Variants in MYOM1 observed in about 807,000 individuals in gnomAD.
MYOM1 encodes myomesin-1.
MYOM1 carries 164 observed loss-of-function variants against 205.3 expected under a neutral mutation model. The ratio of observed to expected loss-of-function variants is 0.80; its 90% CI spans 0.70 to 0.91. MYOM1 has a LOEUF of 0.91. MYOM1 is among the 40% of genes least tolerant of loss of function. The pLI, the probability that MYOM1 is intolerant of heterozygous loss-of-function variation, is 0.00. For synonymous variants in MYOM1, 772 were observed against 789.4 expected (o/e 0.98, Z 0.37); for missense variants, 2,011 against 2,127.3 (o/e 0.95, Z 1.08).
At chr18:3,191,920 T>C (rs564643395) in intron 3 of MYOM1, among the ~76,000 whole-genome samples, 1 of 152,048 alleles carries the variant, frequency 6.6e-6, no homozygotes, top group Non-Finnish European at 1.5e-5. Context: ...ATGGTCTCAA[T>C]CTCCTGACAT....
intron 33 of MYOM1, among the ~76,000 whole-genome samples, chr18:3,081,342 G>T (rs1233955672): frequency 1.3e-5 from 2 of 152,120 alleles, no homozygotes; most frequent in Non-Finnish European, 2.9e-5. Flanking sequence ...AGATCATAAG[G>T]CAAGATAGGA....
Position 3,179,718 on chromosome 18 carries a change from C to T in MYOM1, c.930-3584G>A, listed in dbSNP as rs1243269191. Among the ~76,000 whole-genome samples the T allele has an allele frequency of 2.0e-5, 3 of 152,228 alleles. No individual in the cohort carries two copies. The highest frequency in any genetic ancestry group is 4.8e-5 in the African/African-American group (2 of 41,464). ...CCTGGAAAAAGAAATCCACTGGCCA[C>T]TTCTAATCTCCCGCATTCCCCGTTT... On this transcript the variant is annotated intron_variant, in intron 5 of 37. Transcript: ENST00000356443. This position sits in a 1 kb window ranked among gnomAD's most constrained non-coding sequence, Gnocchi z 4.4.
At chr18:3,111,703 T>C (rs1186259398) in intron 22 of MYOM1, among the ~76,000 whole-genome samples, 3 of 152,230 alleles carry the variant, frequency 2.0e-5, no homozygotes, top group Non-Finnish European at 4.4e-5. Flanking sequence ...ATGTGCATGA[T>C]AAAGTTTTAT....
chr18:3,075,088 C>G (rs1468067579), intron 36 of MYOM1, among the ~76,000 whole-genome samples: 1 of 152,216 alleles, frequency 6.6e-6, no homozygotes, highest in Non-Finnish European at 1.5e-5. Flanking sequence ...AGCCACCATG[C>G]CTGGCCCTTA....
chr18:3,245,061 T>C, the MYOM1 span, among the ~76,000 whole-genome samples: 2 of 152,082 alleles, frequency 1.3e-5, no homozygotes, highest in Non-Finnish European at 2.9e-5. Context: ...TCAATCGAAT[T>C]GGCCAGCACT....
At position 3,215,021 on chromosome 18, in the gene MYOM1, G is replaced by A. The variant is rs565442597; in HGVS notation, c.203C>T (p.Ser68Phe). The change falls in exon 2 of 38, where the codon TCC becomes TTC. Residue 68 changes from serine to phenylalanine, a missense_variant. Physicochemically the swap from Ser to Phe is radical, Grantham distance 155. Coordinates refer to ENST00000356443, the MANE Select transcript of MYOM1 (RefSeq NM_003803.4). ...SEAFRRASAS[S>F]SQQQASQHAL... ...GTGCTGCGAGGCCTGCTGCTGGGAG[G>A]AGGAGGCGGACGCCCGACGGAAGGC... The A allele has an allele frequency of 6.2e-7, 1 of 1,612,472 alleles. No homozygotes were observed. Among genetic ancestry groups the A allele is most frequent in the Non-Finnish European group, 8.5e-7 (1 of 1,179,258 alleles).
intron 1 of MYOM1, chr18:3,217,186 G>A (rs9947162): frequency 0.51 from 78,254 of 152,122 alleles, 22,136 homozygotes; most frequent in African/African-American, 0.76. Flanking sequence ...AGTCCATGGC[G>A]CTTAGCTATG....
the MYOM1 span, among the ~76,000 whole-genome samples, chr18:3,233,996 C>T: frequency 2.0e-5 from 3 of 152,296 alleles, no homozygotes; most frequent in Admixed American, 2.0e-4. Flanking sequence ...TACAGACATG[C>T]GTCACATTCC....
At chr18:3,132,648 G>A (rs2079895179) in intron 16 of MYOM1, among the ~76,000 whole-genome samples, 1 of 152,062 alleles carries the variant, frequency 6.6e-6, no homozygotes. Flanking sequence ...GTGGCTCCTT[G>A]TCATAGAGGC....
rs77250118 is a variant in MYOM1, at chr18:3,115,081, C to T, written c.3303+1250G>A. Among the ~76,000 whole-genome samples, 743 of 152,180 alleles carry T rather than the reference C, an allele frequency of 4.9e-3. 8 individuals are homozygous for T. Among genetic ancestry groups the T allele is most frequent in the African/African-American group, 0.017 (719 of 41,512 alleles). On this transcript the variant is annotated intron_variant, in intron 21 of 37. Transcript: ENST00000356443. ...TGGAAATCTTCATCCCAGCCATATACACCCACCACCATCATCTAGGATGTT... is the reference window on the plus strand; with the variant it reads ...TGGAAATCTTCATCCCAGCCATATATACCCACCACCATCATCTAGGATGTT...
intron 29 of MYOM1, 72 bp from the exon 30 acceptor site, chr18:3,086,223 T>G: frequency 1.2e-6 from 1 of 819,044 alleles, no homozygotes; most frequent in Non-Finnish European, 1.9e-6. Flanking sequence ...TAGTTCTTAA[T>G]GCAGCAAGAT....
At chr18:3,215,744 T>TA (rs1353667363) in intron 1 of MYOM1, among the ~76,000 whole-genome samples, 3 of 152,100 alleles carry the variant, frequency 2.0e-5, no homozygotes, top group South Asian at 4.2e-4. Flanking sequence ...TACCTTTTTT[T>TA]AAAAAAAATT....
At chr18:3,115,550 C>T (rs955410112) in intron 21 of MYOM1, among the ~76,000 whole-genome samples, 1 of 152,136 alleles carries the variant, frequency 6.6e-6, no homozygotes, top group Non-Finnish European at 1.5e-5. Context: ...TGTGTAACTT[C>T]CTGAGTGACT....
chr18:3,094,377 G>T, intron 25 of MYOM1, 71 bp from the exon 26 acceptor site: 89 of 836,304 alleles, frequency 1.1e-4, no homozygotes, highest in Non-Finnish European at 1.2e-4. Flanking sequence ...TTTCCATCAA[G>T]TGAAAAAAAA....
intron 5 of MYOM1, among the ~76,000 whole-genome samples, chr18:3,187,109 G>GTTTTGTGTAAAGT (rs2080828606): frequency 6.6e-6 from 1 of 152,128 alleles, no homozygotes; most frequent in African/African-American, 2.4e-5. Context: ...ACAAAATCCT[G>GTTTTGTGTAAAGT]CCATGTTGTG....
At chr18:3,193,357 T>TACATAGAC (rs1367330529) in intron 3 of MYOM1, among the ~76,000 whole-genome samples, 1 of 102,842 alleles carries the variant, frequency 9.7e-6, no homozygotes, top group African/African-American at 3.2e-5. Context: ...CATATATATA[T>TACATAGAC]ATATACACAC....
chr18:3,161,504 AGAAGTGATGAGG>A (rs1244378085), intron 10 of MYOM1, among the ~76,000 whole-genome samples: 1 of 152,208 alleles, frequency 6.6e-6, no homozygotes, highest in Non-Finnish European at 1.5e-5. Flanking sequence ...GGCACTAAGC[AGAAGTGATGAGG>A]GCAATTCGGC....
Position 3,114,165 on chromosome 18 carries a change from G to C in MYOM1, c.3304-1753C>G, listed in dbSNP as rs537106110. 5.9e-5 allele frequency among the ~76,000 whole-genome samples: 9 copies of C among 152,276 alleles called. No individual in the cohort carries two copies. In the South Asian group the frequency reaches 1.9e-3, roughly 32 times the overall value. ...GTAATAAAAATAGAGTAATCGCCAGGTACCTGACACATCTGCACCTGCCAC... is the reference window on the plus strand; with the variant it reads ...GTAATAAAAATAGAGTAATCGCCAGCTACCTGACACATCTGCACCTGCCAC... On this transcript the variant is annotated intron_variant, in intron 21 of 37. Transcript: ENST00000356443.
Position 3,126,853 on chromosome 18 carries a change from G to A in MYOM1, c.2839C>T (p.Arg947Cys), listed in dbSNP as rs762430543. Reference protein sequence around the residue: ...PCDITCLESFRDSMVLGWKQP... With the variant: ...PCDITCLESFCDSMVLGWKQP... Reference sequence around the variant, plus strand: ...TTCCATCCAAGAACCATTGAGTCACGAAAACTTTCAAGACAGGTGATATCA... The same window carrying A: ...TTCCATCCAAGAACCATTGAGTCACAAAAACTTTCAAGACAGGTGATATCA... The change falls in exon 19 of 38, where the codon CGT becomes TGT. Residue 947 changes from arginine (R) to cysteine (C), a missense_variant. Physicochemically the swap from Arg to Cys is radical, Grantham distance 180 (BLOSUM62 -3). Coordinates refer to ENST00000356443, the MANE Select transcript of MYOM1 (RefSeq NM_003803.4). 14 of 1,612,752 alleles carry A rather than the reference G, an allele frequency of 8.7e-6. No homozygotes were observed. Among genetic ancestry groups the A allele is most frequent in the East Asian group, 6.7e-5 (3 of 44,870 alleles).
Sources: gnomAD v4.1 joint callset for allele counts (sites outside exome capture counted in the v4.1 genomes callset) on GRCh38, gnomAD v4.1.1 for gene constraint, Gnocchi (gnomAD v3.1) non-coding constraint, MANE v1.5 for transcripts, NCBI Gene and HGNC (gene_info 2026-07-23, HGNC 2026-07-21) for gene names.